RLF: variants seen among roughly 807,000 people sequenced by gnomAD.
The protein encoded by RLF is zinc finger protein Rlf.
Under a neutral mutation model 162.9 loss-of-function variants are expected in RLF, and 7 were observed. The observed-to-expected ratio is 0.04, with a 90% CI of 0.02 to 0.08. The LOEUF is 0.08. Among genes scored for constraint, RLF ranks in the 10% least tolerant of loss-of-function variants. The pLI is 1.00. For missense variants in RLF, 1,664 were observed against 2,244.7 expected (o/e 0.74, Z 5.23); for synonymous variants, 782 against 791.5 (o/e 0.99, Z 0.20).
chr1:40,195,381 G>A (rs564354149), intron 3 of RLF, among the ~76,000 whole-genome samples: 1 of 151,804 alleles, frequency 6.6e-6, no homozygotes, highest in South Asian at 2.1e-4. Context: ...CCCAGGGGTT[G>A]GAGGTTGCAG....
intron 1 of RLF, among the ~76,000 whole-genome samples, chr1:40,171,608 A>G (rs919615283): frequency 2.0e-5 from 3 of 152,226 alleles, no homozygotes; most frequent in African/African-American, 7.2e-5. Flanking sequence ...TTGTGACTCA[A>G]AACTAGTGGA....
chr1:40,226,871 C>G (rs932128822), intron 6 of RLF, among the ~76,000 whole-genome samples: 3 of 151,830 alleles, frequency 2.0e-5, no homozygotes, highest in African/African-American at 7.3e-5. Context: ...TGTATTTATT[C>G]ATTTATTTTT....
intron 5 of RLF, among the ~76,000 whole-genome samples, chr1:40,222,151 C>A (rs1643008824): frequency 6.6e-6 from 1 of 151,830 alleles, no homozygotes; most frequent in South Asian, 2.1e-4. Context: ...TCCTTTAGCC[C>A]CACTGATATT....
chr1:40,234,509 A>G (rs763973108), intron 7 of RLF, among the ~76,000 whole-genome samples: 5 of 152,198 alleles, frequency 3.3e-5, no homozygotes, highest in African/African-American at 7.2e-5. Context: ...AAACAGTGGA[A>G]TTTACTCCAT....
rs551356848 is a variant in RLF at position 40,173,805 on chromosome 1, G to A, written c.237+12169G>A. ...GCTGGGATTATAGCCGTGAGCCACC[G>A]TGCCAGGCTGATCATGTAATCTTGA... On this transcript the variant is annotated intron_variant, in intron 1 of 7. Transcript: ENST00000372771. Among the ~76,000 whole-genome samples the A allele has an allele frequency of 2.6e-3, 399 of 151,972 alleles. 3 individuals carry two copies. The highest frequency in any genetic ancestry group is 4.1e-3 in the Non-Finnish European group (281 of 67,936).
chr1:40,216,363 C>G (rs900744901), intron 5 of RLF, among the ~76,000 whole-genome samples: 23 of 151,968 alleles, frequency 1.5e-4, no homozygotes, highest in African/African-American at 5.3e-4. Flanking sequence ...TGGCACACAC[C>G]TGTAGTCCCA....
rs368030362 is a variant in RLF, at chr1:40,220,719, A to G, written c.811-1855A>G. On this transcript the variant is annotated intron_variant, in intron 5 of 7. Transcript: ENST00000372771. ...TAGGCACATACATTTTGATATGGCT[A>G]TTTTTCTTACAGGATTTTGTTTACA... Among the ~76,000 whole-genome samples the G allele has an allele frequency of 8.5e-5, 13 of 152,184 alleles. 1 individual carries two copies. The highest frequency in any genetic ancestry group is 3.9e-4 in the East Asian group (2 of 5,184).
intron 6 of RLF, among the ~76,000 whole-genome samples, chr1:40,228,150 T>C (rs967131695): frequency 7.4e-5 from 11 of 149,346 alleles, no homozygotes; most frequent in Admixed American, 6.0e-4. Flanking sequence ...CCAGGCATAG[T>C]TGCGTGCGCC....
intron 1 of RLF, among the ~76,000 whole-genome samples, chr1:40,186,820 T>A (rs1294926472): frequency 6.6e-6 from 1 of 152,160 alleles, no homozygotes; most frequent in African/African-American, 2.4e-5. Context: ...GACTTGAGAA[T>A]GTCCTGTGGG....
At chr1:40,193,638 G>T (rs1362142809) in intron 3 of RLF, among the ~76,000 whole-genome samples, 1 of 152,158 alleles carries the variant, frequency 6.6e-6, no homozygotes, top group East Asian at 1.9e-4. Context: ...AGCTGTTAAA[G>T]CAAAATTGCA....
intron 5 of RLF, among the ~76,000 whole-genome samples, chr1:40,205,893 A>G (rs994192250): frequency 3.9e-5 from 6 of 152,086 alleles, no homozygotes; most frequent in African/African-American, 1.2e-4. Flanking sequence ...TACCTCATTG[A>G]TTACTCCTTT....
chr1:40,236,678 A>G lies in RLF; in HGVS notation c.1976A>G (p.Lys659Arg). Residue 659 changes from lysine to arginine, a missense_variant, in exon 8 of 8, where the codon AAA becomes AGA. Lys to Arg is a conservative substitution (Grantham distance 26). Coordinates refer to ENST00000372771, the MANE Select transcript of RLF (RefSeq NM_012421.4). The surrounding 1 kb of genome is among the most constrained non-coding windows in gnomAD (Gnocchi z 7.7). ...GESHEYVTFS[K>R]LEDCHLQDRD... is the part of the protein sequence containing the mutation. ...TCTCATGAATATGTCACATTCAGCA[A>G]ATTAGAAGATTGCCACCTGCAAGAC... 6.2e-7 allele frequency: 1 copy of G among 1,614,148 alleles called. No homozygotes were observed. The highest frequency in any genetic ancestry group is 1.1e-5 in the South Asian group (1 of 91,086).
Position 40,161,484 on chromosome 1 carries a change from G to C in RLF, c.85G>C (p.Glu29Gln). Residue 29 changes from glutamate to glutamine, a missense_variant, in exon 1 of 8, where the codon GAG becomes CAG. Physicochemically the swap from Glu to Gln is conservative, Grantham distance 29. This residue lies in a region of RLF where 134 missense variants were observed against 124.3 expected (regional missense o/e 1.08). Coordinates refer to ENST00000372771, the MANE Select transcript of RLF (RefSeq NM_012421.4). The surrounding 1 kb of genome is among the most constrained non-coding windows in gnomAD (Gnocchi z 4.4). ...PAVAGAGDGV[E>Q]TESMVRGHRP... ...GGTAGCGGGAGCCGGAGATGGAGTC[G>C]AGACTGAGTCCATGGTTCGGGGTCA... The C allele has an allele frequency of 6.3e-7, 1 of 1,594,978 alleles. No homozygotes were observed. The highest frequency in any genetic ancestry group is 8.5e-7 in the Non-Finnish European group (1 of 1,171,812).
intron 5 of RLF, among the ~76,000 whole-genome samples, chr1:40,203,905 T>G (rs1042287094): frequency 6.6e-6 from 1 of 152,154 alleles, no homozygotes; most frequent in Non-Finnish European, 1.5e-5. Context: ...CCAGGATCAA[T>G]CAAGATCTAT....
chr1:40,177,649 T>C (rs1292817342), intron 1 of RLF, among the ~76,000 whole-genome samples: 1 of 152,146 alleles, frequency 6.6e-6, no homozygotes, highest in Non-Finnish European at 1.5e-5. Flanking sequence ...TTTTTCCCAT[T>C]ATATCTAAGA....
At chr1:40,171,760 T>C (rs998850724) in intron 1 of RLF, among the ~76,000 whole-genome samples, 6 of 152,120 alleles carry the variant, frequency 3.9e-5, no homozygotes, top group Non-Finnish European at 5.9e-5. Flanking sequence ...TATATAAATA[T>C]TACAATTTCT....
chr1:40,205,132 G>T (rs1642772589), intron 5 of RLF, among the ~76,000 whole-genome samples: 1 of 152,102 alleles, frequency 6.6e-6, no homozygotes, highest in Non-Finnish European at 1.5e-5. Context: ...TGGCATTTAT[G>T]CTATTATTTA....
chr1:40,211,136 A>G (rs555712123), intron 5 of RLF, among the ~76,000 whole-genome samples: 2 of 152,370 alleles, frequency 1.3e-5, no homozygotes, highest in East Asian at 3.9e-4. Flanking sequence ...CAGAAAAGCT[A>G]AAAATATTTT....
intron 5 of RLF, among the ~76,000 whole-genome samples, chr1:40,203,553 A>C (rs1570541938): frequency 6.6e-6 from 1 of 151,768 alleles, no homozygotes; most frequent in African/African-American, 2.4e-5. Context: ...CAAAAAAACA[A>C]CAACTATTTT....
Sources: allele counts gnomAD v4.1 joint callset (sites outside exome capture counted in the v4.1 genomes callset), GRCh38; gene constraint gnomAD v4.1.1; regional missense constraint gnomAD v4.1.1; non-coding constraint Gnocchi (gnomAD v3.1); transcripts MANE v1.5; gene names NCBI Gene and HGNC (gene_info 2026-07-23, HGNC 2026-07-21).